ARHGAP5: variants seen among roughly 807,000 people sequenced by gnomAD.
ARHGAP5 encodes the protein Rho GTPase activating protein 5, also known as rho GTPase-activating protein 5.
Under a neutral mutation model 116.6 loss-of-function variants are expected in ARHGAP5, and 23 were observed. The ratio of observed to expected loss-of-function variants is 0.20; its 90% CI spans 0.14 to 0.28. The LOEUF is 0.28. ARHGAP5 is among the 10% of genes least tolerant of loss of function. The probability of loss-of-function intolerance (pLI) is 1.00; values close to 1 mark genes in which losing one functional copy is unlikely to be tolerated. For synonymous variants in ARHGAP5, 574 were observed against 602.0 expected, an observed-to-expected ratio of 0.95 and a Z score of 0.68; for missense variants, 1,405 against 1,774.8, an observed-to-expected ratio of 0.79 and a Z score of 3.74.
intron 3 of ARHGAP5, among the ~76,000 whole-genome samples, chr14:32,126,927 A>T (rs1880184137): frequency 6.6e-6 from 1 of 152,008 alleles, no homozygotes; most frequent in South Asian, 2.1e-4. Flanking sequence ...ACACTTACAA[A>T]TGGTTAAGGT....
intron 2 of ARHGAP5, among the ~76,000 whole-genome samples, chr14:32,109,121 A>G (rs1027126004): frequency 1.3e-5 from 2 of 152,118 alleles, no homozygotes. Flanking sequence ...ATATACATAT[A>G]TATTACTTAA....
chr14:32,150,080 T>C, intron 5 of ARHGAP5, 47 bp downstream of exon 5: 1 of 1,465,064 alleles, frequency 6.8e-7, no homozygotes, highest in Non-Finnish European at 9.1e-7. Flanking sequence ...ATGGCAGTTT[T>C]TGGATATTGA....
chr14:32,077,798 C>T (rs989327817), intron 1 of ARHGAP5, among the ~76,000 whole-genome samples: 2 of 151,884 alleles, frequency 1.3e-5, no homozygotes, highest in Non-Finnish European at 2.9e-5. Flanking sequence ...GGTGGTCCGT[C>T]GAGAGGGGAG....
At chr14:32,139,443 G>C (rs184541945) in intron 3 of ARHGAP5, among the ~76,000 whole-genome samples, 38 of 152,032 alleles carry the variant, frequency 2.5e-4, no homozygotes, top group Admixed American at 4.6e-4. Context: ...TTGGTAGTTG[G>C]TATATTTCTA....
At chr14:32,136,845 T>A (rs1304579927) in intron 3 of ARHGAP5, among the ~76,000 whole-genome samples, 1 of 152,212 alleles carries the variant, frequency 6.6e-6, no homozygotes, top group Admixed American at 6.5e-5. Flanking sequence ...TGACTAATGA[T>A]GTTGAGCATC....
At chr14:32,117,010 A>G (rs1879638076) in intron 2 of ARHGAP5, 130 bp from the exon 3 acceptor site, 4 of 616,822 alleles carry the variant, frequency 6.5e-6, no homozygotes, top group Admixed American at 3.6e-5. Flanking sequence ...AGCGAGTCAT[A>G]TTGGTGGACA....
chr14:32,126,995 T>C (rs1169370831), intron 3 of ARHGAP5, among the ~76,000 whole-genome samples: 1 of 149,878 alleles, frequency 6.7e-6, no homozygotes, highest in Non-Finnish European at 1.5e-5. Flanking sequence ...GGAAATATGA[T>C]ATCTTTTTTT....
rs779643945 is a variant in ARHGAP5 at position 32,091,186 on chromosome 14, T to C, written c.517T>C (p.Phe173Leu). The change falls in exon 2 of 7, where the codon TTT (phenylalanine) becomes CTT (leucine). Residue 173 changes from phenylalanine (F) to leucine (L), a missense_variant. By Grantham distance (22) the Phe-to-Leu change is conservative. Around this residue, in one of 6 missense-constraint regions of ARHGAP5, gnomAD observed 190 missense variants for 314.9 expected, o/e 0.60. Transcript: ENST00000345122. ...TGTAAGTCAAGGATGCAATAGGAAGTTTGATGATCAACTTAAATTTGTGAA... is the reference window on the plus strand; with the variant it reads ...TGTAAGTCAAGGATGCAATAGGAAGCTTGATGATCAACTTAAATTTGTGAA... ...IDVSQGCNRK[F>L]DDQLKFVNNL... The C allele has an allele frequency of 1.9e-6, 3 of 1,613,452 alleles. No homozygotes were observed. The highest frequency in any genetic ancestry group is 1.7e-6 in the Non-Finnish European group (2 of 1,179,614).
At chr14:32,096,478 A>G (rs1878533250) in intron 2 of ARHGAP5, among the ~76,000 whole-genome samples, 1 of 152,204 alleles carries the variant, frequency 6.6e-6, no homozygotes, top group African/African-American at 2.4e-5. Context: ...GGCATAAATA[A>G]GCACTGAATA....
intron 6 of ARHGAP5, among the ~76,000 whole-genome samples, chr14:32,153,406 C>CAAAAAAAAAAAAAA (rs771660350): frequency 6.6e-5 from 1 of 15,160 alleles, no homozygotes; most frequent in Non-Finnish European, 1.4e-4. Context: ...GACTCTGTCT[C>CAAAAAAAAAAAAAA]AAAAAAAAAA....
chr14:32,084,978 T>A (rs933888387), intron 1 of ARHGAP5, among the ~76,000 whole-genome samples: 3 of 151,678 alleles, frequency 2.0e-5, no homozygotes, highest in African/African-American at 7.3e-5. Context: ...CACTGTACTC[T>A]AGAATGGGTG....
intron 2 of ARHGAP5, among the ~76,000 whole-genome samples, chr14:32,105,961 T>C (rs1878997580): frequency 6.6e-6 from 1 of 152,186 alleles, no homozygotes; most frequent in Non-Finnish European, 1.5e-5. Context: ...TTTGTTCTTT[T>C]TATTGCTGAA....
At chr14:32,077,756 T>C (rs904749019) in intron 1 of ARHGAP5, among the ~76,000 whole-genome samples, 9 of 151,588 alleles carry the variant, frequency 5.9e-5, no homozygotes, top group African/African-American at 1.7e-4. Context: ...AGGCGTCCGC[T>C]CTCGCCCGCC....
intron 5 of ARHGAP5, among the ~76,000 whole-genome samples, chr14:32,151,608 A>G (rs984274476): frequency 3.3e-5 from 5 of 152,254 alleles, no homozygotes; most frequent in African/African-American, 9.6e-5. Flanking sequence ...TTCAAATTTC[A>G]GAAGTTTTAT....
Position 32,153,406 on chromosome 14 carries a change from C to CAAAAAAAAAAA in ARHGAP5, c.4181+908_4181+918dup, listed in dbSNP as rs771660350. 4.0e-4 allele frequency among the ~76,000 whole-genome samples: 6 copies of CAAAAAAAAAAA among 15,158 alleles called. 1 individual carries two copies. The highest frequency in any genetic ancestry group is 7.2e-4 in the Non-Finnish European group (5 of 6,960). 9.9% of individuals were successfully genotyped at this position (15,158 alleles called of 152,430 possible). ...TGGCCAACAGAGCAAGACTCTGTCT[C>CAAAAAAAAAAA]AAAAAAAAAAAAAAAAAAAAAAAAA... On this transcript the variant is annotated intron_variant, in intron 6 of 6. Transcript: ENST00000345122.
At position 32,157,267 on chromosome 14, in the gene ARHGAP5, T is replaced by C. The variant is rs946790960; in HGVS notation, c.*2319T>C. 6.6e-6 allele frequency: 1 copy of C among 152,144 alleles called. No individual in the cohort carries two copies. The highest frequency in any genetic ancestry group is 1.5e-5 in the Non-Finnish European group (1 of 67,760). 9.4% of individuals were successfully genotyped at this position (152,144 alleles called of 1,614,324 possible). A position where few individuals can be genotyped will look rare whatever the true frequency, so the allele number is the denominator to read the frequency against. On this transcript the variant is annotated 3_prime_UTR_variant, in exon 7 of 7. Transcript: ENST00000345122. ...TTTGTTTTTGCCAAGGGTTTAGATA[T>C]GCTTTTAAATATTAGAAACATCTAA...
chr14:32,093,868 G>C lies in ARHGAP5; in HGVS notation c.3199G>C (p.Gly1067Arg). Residue 1067 changes from glycine to arginine, a missense_variant, in exon 2 of 7, where the codon GGT becomes CGT. Gly to Arg is a moderately radical substitution (Grantham distance 125). This residue lies in a region of ARHGAP5 where 944 missense variants were observed against 1,095.3 expected (regional missense o/e 0.86). Coordinates refer to ENST00000345122, the MANE Select transcript of ARHGAP5 (RefSeq NM_001030055.2). The stretch of plus-strand genomic sequence containing the variant: ...TTTAAAAACAATTGAAGCTGGTATT[G>C]GTAAAAATCCAAGAAAGCAGACTTC... The part of the protein sequence containing the change: ...NLLKTIEAGI[G>R]KNPRKQTSRV... 1 of 1,613,964 alleles carries C rather than the reference G, an allele frequency of 6.2e-7. No homozygotes were observed. The highest frequency in any genetic ancestry group is 1.3e-5 in the African/African-American group (1 of 75,024).
At chr14:32,085,889 A>G (rs1471261816) in intron 1 of ARHGAP5, among the ~76,000 whole-genome samples, 1 of 152,176 alleles carries the variant, frequency 6.6e-6, no homozygotes, top group African/African-American at 2.4e-5. Context: ...TATGCTGGCT[A>G]AGTACATTAT....
intron 3 of ARHGAP5, among the ~76,000 whole-genome samples, chr14:32,141,444 C>A (rs1341761248): frequency 1.3e-5 from 2 of 152,280 alleles, no homozygotes; most frequent in Non-Finnish European, 2.9e-5. Flanking sequence ...GAAATTACAT[C>A]TTTATACATT....
Sources: allele counts gnomAD v4.1 joint callset (sites outside exome capture counted in the v4.1 genomes callset), GRCh38; gene constraint gnomAD v4.1.1; regional missense constraint gnomAD v4.1.1; transcripts MANE v1.5; gene names NCBI Gene and HGNC (gene_info 2026-07-23, HGNC 2026-07-21).